The following CEP63 variants were observed in gnomAD, a reference collection of about 807,000 sequenced individuals.
CEP63 encodes centrosomal protein 63.
A neutral mutation model predicts 89.1 loss-of-function variants in CEP63; 84 were observed. That is an observed-to-expected ratio of 0.94 (90% CI 0.79 to 1.13). CEP63 has a LOEUF of 1.13. CEP63 is among the 50% of genes most tolerant of loss of function. CEP63 has a pLI of 0.00. For synonymous variants in CEP63, 267 were observed against 272.5 expected (o/e 0.98, Z 0.20); for missense variants, 838 against 813.3 (o/e 1.03, Z -0.37).
the CEP63 span, among the ~76,000 whole-genome samples, chr3:134,665,723 AGACAGG>A: frequency 0.028 from 2,830 of 100,958 alleles, 42 homozygotes; most frequent in Non-Finnish European, 0.048. Context: ...AGAGAGAGAG[AGACAGG>A]GACAGAGCGA....
chr3:134,705,297 G>A, the CEP63 span, among the ~76,000 whole-genome samples: 60,457 of 152,008 alleles, frequency 0.4, 12,558 homozygotes, highest in East Asian at 0.66. Flanking sequence ...GAAAGTCAAA[G>A]GGGATGCAGA....
chr3:134,489,558 G>A (rs1163872768), intron 1 of CEP63, among the ~76,000 whole-genome samples: 3 of 152,090 alleles, frequency 2.0e-5, no homozygotes, highest in African/African-American at 4.8e-5. Flanking sequence ...TTCACTTAGT[G>A]GTGAAGTCCT....
the CEP63 span, among the ~76,000 whole-genome samples, chr3:134,673,965 T>C: frequency 6.6e-6 from 1 of 152,366 alleles, no homozygotes; most frequent in African/African-American, 2.4e-5. Flanking sequence ...CAGGTTTTCC[T>C]GAGGTTAATC....
chr3:134,758,761 T>C, the CEP63 span, among the ~76,000 whole-genome samples: 2 of 152,092 alleles, frequency 1.3e-5, no homozygotes, highest in Non-Finnish European at 2.9e-5. Flanking sequence ...CCTTAGCAAC[T>C]TGAGTTGAGA....
At chr3:134,642,991 G>C in the CEP63 span, among the ~76,000 whole-genome samples, 4 of 152,270 alleles carry the variant, frequency 2.6e-5, no homozygotes, top group East Asian at 7.7e-4. Flanking sequence ...GGCTTGGCAG[G>C]GTGTCTGGCA....
At position 134,550,192 on chromosome 3, in the gene CEP63, TC is replaced by T. The variant is rs750630017; in HGVS notation, c.1314del (p.Ser439GlnfsTer19). The T allele has an allele frequency of 1.2e-6, 2 of 1,614,010 alleles. No individual in the cohort carries two copies. Among genetic ancestry groups the T allele is most frequent in the African/African-American group, 2.7e-5 (2 of 75,024 alleles). Reference sequence around the variant, plus strand: ...CACTATTGCTTCCACCAAAGGTTCTTCCTCAGACATGGAAAAGCGACTCAGA... The same window carrying T: ...CACTATTGCTTCCACCAAAGGTTCTTCTCAGACATGGAAAAGCGACTCAGA... ...DITIASTKGSSSDMEKRLRAE... is the reference protein window; with the variant it reads ...DITIASTKGSXSDMEKRLRAE... On this transcript the variant is annotated frameshift_variant, in exon 11 of 15. Coordinates refer to ENST00000675561, the MANE Select transcript of CEP63 (RefSeq NM_001353108.3). LOFTEE classifies it high-confidence loss of function.
At chr3:134,612,606 G>A in the CEP63 span, among the ~76,000 whole-genome samples, 1 of 152,152 alleles carries the variant, frequency 6.6e-6, no homozygotes, top group African/African-American at 2.4e-5. Context: ...ACATTCTATA[G>A]GAGGTGGGGC....
the CEP63 span, among the ~76,000 whole-genome samples, chr3:134,701,311 TATGTGTATATATACATATAC>T: frequency 4.3e-4 from 4 of 9,202 alleles, no homozygotes; most frequent in Non-Finnish European, 1.9e-3. Context: ...TATACGTATA[TATGTGTATATATACATATAC>T]ACACACATAT....
the CEP63 span, among the ~76,000 whole-genome samples, chr3:134,764,483 C>G: frequency 1.5e-4 from 23 of 152,272 alleles, no homozygotes; most frequent in South Asian, 8.3e-4. Flanking sequence ...AGACCTGAGA[C>G]ACCTGTATCC....
At chr3:134,522,958 A>G (rs746239655) in intron 3 of CEP63, among the ~76,000 whole-genome samples, 3 of 152,198 alleles carry the variant, frequency 2.0e-5, no homozygotes, top group South Asian at 4.1e-4. Context: ...TTCTGTTTTT[A>G]TATCTTTAAG....
At chr3:134,520,676 G>A (rs918670075) in intron 3 of CEP63, among the ~76,000 whole-genome samples, 7 of 152,096 alleles carry the variant, frequency 4.6e-5, no homozygotes, top group Non-Finnish European at 1.0e-4. Flanking sequence ...GGTATTGCAA[G>A]GATAGAAAAA....
At chr3:134,765,819 A>C in the CEP63 span, among the ~76,000 whole-genome samples, 1 of 152,128 alleles carries the variant, frequency 6.6e-6, no homozygotes, top group African/African-American at 2.4e-5. Context: ...AATGAGTTGG[A>C]AATGTAACTC....
At chr3:134,524,980 G>C (rs1214772939) in intron 3 of CEP63, among the ~76,000 whole-genome samples, 1 of 152,096 alleles carries the variant, frequency 6.6e-6, no homozygotes, top group Non-Finnish European at 1.5e-5. Flanking sequence ...TTCTACATCT[G>C]GTAGAATTCA....
At chr3:134,726,455 GACAGACACACACACACACACAC>G in the CEP63 span, among the ~76,000 whole-genome samples, 387 of 51,112 alleles carry the variant, frequency 7.6e-3, 2 homozygotes, top group Non-Finnish European at 0.015. Context: ...CAGGCACACA[GACAGACACACACACACACACAC>G]ACACACACAC....
chr3:134,617,954 T>G, the CEP63 span, among the ~76,000 whole-genome samples: 1 of 151,998 alleles, frequency 6.6e-6, no homozygotes, highest in Non-Finnish European at 1.5e-5. Context: ...CCAGTGAGGA[T>G]CCAGGTTCCT....
chr3:134,560,569 A>G (rs1017706225), intron 14 of CEP63, among the ~76,000 whole-genome samples: 1 of 152,144 alleles, frequency 6.6e-6, no homozygotes, highest in Non-Finnish European at 1.5e-5. Flanking sequence ...GCTCCATGCC[A>G]GCTGGATAGA....
At chr3:134,619,331 C>G in the CEP63 span, 1 of 1,222,582 alleles carries the variant, frequency 8.2e-7, no homozygotes, top group Non-Finnish European at 1.2e-6. Flanking sequence ...CCACCCCAAC[C>G]CCCAGCTGTG....
chr3:134,738,869 CA>C, the CEP63 span, among the ~76,000 whole-genome samples: 7 of 151,386 alleles, frequency 4.6e-5, no homozygotes, highest in Admixed American at 4.6e-4. Flanking sequence ...TGCAAGTGGC[CA>C]AAAAGCACAT....
chr3:134,502,710 T>G (rs1200481324), intron 2 of CEP63, among the ~76,000 whole-genome samples: 1 of 152,184 alleles, frequency 6.6e-6, no homozygotes, highest in Non-Finnish European at 1.5e-5. Context: ...ATCTTCCTTT[T>G]TTTTGGTGAT....
Sources: gnomAD v4.1 joint callset for allele counts (sites outside exome capture counted in the v4.1 genomes callset) on GRCh38, gnomAD v4.1.1 for gene constraint, MANE v1.5 for transcripts, NCBI Gene and HGNC (gene_info 2026-07-23, HGNC 2026-07-21) for gene names.